TRPC3: variants seen among roughly 807,000 people sequenced by gnomAD.
TRPC3 encodes the protein transient receptor potential cation channel subfamily C member 3.
Under a neutral mutation model 90.9 loss-of-function variants are expected in TRPC3, and 54 were observed. The ratio of observed to expected loss-of-function variants is 0.59; its 90% confidence interval spans 0.48 to 0.75. The LOEUF is 0.75. Ranked by LOEUF, TRPC3 falls within the 30% of genes least tolerant of loss-of-function variation. TRPC3 has a pLI of 0.00. For synonymous variants in TRPC3, 424 were observed against 450.9 expected (o/e 0.94, Z 0.75); for missense variants, 918 against 1,194.5 (o/e 0.77, Z 3.41).
intron 5 of TRPC3, among the ~76,000 whole-genome samples, chr4:121,910,916 G>A (rs893744836): frequency 6.6e-5 from 10 of 152,084 alleles, no homozygotes; most frequent in South Asian, 2.1e-4. Flanking sequence ...GAGCAATATC[G>A]TTTGAAAAAG....
At chr4:121,904,720 C>T (rs1363794524) in intron 7 of TRPC3, among the ~76,000 whole-genome samples, 1 of 152,022 alleles carries the variant, frequency 6.6e-6, no homozygotes, top group Admixed American at 6.6e-5. Context: ...TTAAATGGTG[C>T]CAATGCCTAG....
chr4:121,900,025 G>A (rs1728650216), intron 9 of TRPC3, among the ~76,000 whole-genome samples: 1 of 152,058 alleles, frequency 6.6e-6, no homozygotes, highest in African/African-American at 2.4e-5. Context: ...GCATCTAGAA[G>A]GCCAAATTCC....
At chr4:121,935,018 T>C (rs1730082910) in intron 1 of TRPC3, among the ~76,000 whole-genome samples, 1 of 152,176 alleles carries the variant, frequency 6.6e-6, no homozygotes, top group Non-Finnish European at 1.5e-5. Context: ...TTTGTAGCAA[T>C]TTCTAGAAAT....
intron 11 of TRPC3, among the ~76,000 whole-genome samples, chr4:121,880,742 C>G (rs891988530): frequency 1.3e-5 from 2 of 152,080 alleles, no homozygotes; most frequent in South Asian, 4.1e-4. Context: ...CAAGAATTTA[C>G]CTTGAATCTA....
chr4:121,881,488 A>T (rs1488290452), intron 11 of TRPC3, among the ~76,000 whole-genome samples: 1 of 152,118 alleles, frequency 6.6e-6, no homozygotes, highest in Non-Finnish European at 1.5e-5. Context: ...CAGATTGATT[A>T]GGTCACCATG....
intron 3 of TRPC3, among the ~76,000 whole-genome samples, chr4:121,916,000 A>G (rs1023590020): frequency 2.0e-5 from 3 of 152,212 alleles, no homozygotes; most frequent in Non-Finnish European, 2.9e-5. Flanking sequence ...AGAATAAGCA[A>G]TAACAATGAA....
Position 121,910,673 on chromosome 4 carries a change from G to A in TRPC3, c.1559-286C>T, listed in dbSNP as rs188619132. 1.6e-3 allele frequency among the ~76,000 whole-genome samples: 243 copies of A among 152,214 alleles called. 2 individuals carry two copies. The highest frequency in any genetic ancestry group is 2.7e-3 in the Non-Finnish European group (182 of 67,990). ...ATTCATGAGAGGAGGTGGTGGAGGG[G>A]GGTGAGGAGAAGAAAGAAGGAAAGG... On this transcript the variant is annotated intron_variant, in intron 5 of 11. Coordinates refer to ENST00000379645, the MANE Select transcript of TRPC3 (RefSeq NM_001130698.2).
intron 1 of TRPC3, among the ~76,000 whole-genome samples, chr4:121,941,607 G>A (rs1323996815): frequency 3.6e-5 from 1 of 27,606 alleles, no homozygotes; most frequent in Non-Finnish European, 7.4e-5. Context: ...GAAAGTCAGA[G>A]AAGAAAAGAC....
chr4:121,927,315 T>C (rs1345048900), intron 2 of TRPC3, among the ~76,000 whole-genome samples: 1 of 152,228 alleles, frequency 6.6e-6, no homozygotes, highest in African/African-American at 2.4e-5. Context: ...TCTAGTCCAT[T>C]TGTTCTAATG....
rs76120252 is a variant in TRPC3 at position 121,914,204 on chromosome 4, A to C, written c.1341+576T>G. 4.7e-4 allele frequency among the ~76,000 whole-genome samples: 72 copies of C among 152,354 alleles called. No homozygotes were observed. The South Asian group carries it at 4.8e-3, about 10-fold the overall frequency. On this transcript the variant is annotated intron_variant, in intron 4 of 11. Coordinates refer to ENST00000379645, the MANE Select transcript of TRPC3 (RefSeq NM_001130698.2). ...CAAATAAACAATCTAAAAAAATCTAAAACCCCTGAACCTAAATCCTACATT... is the reference window on the plus strand; with the variant it reads ...CAAATAAACAATCTAAAAAAATCTACAACCCCTGAACCTAAATCCTACATT...
At chr4:121,892,140 T>G (rs992017415) in intron 10 of TRPC3, among the ~76,000 whole-genome samples, 2 of 152,218 alleles carry the variant, frequency 1.3e-5, no homozygotes, top group Non-Finnish European at 2.9e-5. Flanking sequence ...ATTTTCTTCA[T>G]AGTTTAGAGC....
At chr4:121,891,353 AAAGTT>A in intron 10 of TRPC3, among the ~76,000 whole-genome samples, 1 of 152,236 alleles carries the variant, frequency 6.6e-6, no homozygotes, top group Non-Finnish European at 1.5e-5. Context: ...ACCAAAAGAC[AAAGTT>A]AAGCTAAGAA....
chr4:121,936,795 G>A (rs1033109422), intron 1 of TRPC3, among the ~76,000 whole-genome samples: 4 of 152,096 alleles, frequency 2.6e-5, no homozygotes, highest in African/African-American at 9.7e-5. Flanking sequence ...TGCTGGCACC[G>A]ATTTCAGACT....
At chr4:121,899,448 A>G (rs1046189915) in intron 10 of TRPC3, among the ~76,000 whole-genome samples, 164 bp downstream of exon 10, 1 of 147,370 alleles carries the variant, frequency 6.8e-6, no homozygotes, top group African/African-American at 2.4e-5. Flanking sequence ...TTTTTTTTTA[A>G]AAAATTTCAC....
chr4:121,909,806 T>G (rs1379290435), intron 6 of TRPC3, among the ~76,000 whole-genome samples: 2 of 152,138 alleles, frequency 1.3e-5, no homozygotes, highest in African/African-American at 2.4e-5. Context: ...ACCTTCCACA[T>G]CAAGCAGTTT....
chr4:121,929,973 G>C (rs78220905), intron 2 of TRPC3, among the ~76,000 whole-genome samples: 5,269 of 152,136 alleles, frequency 0.035, 304 homozygotes, highest in African/African-American at 0.12. Context: ...GCTTGTCTCA[G>C]AAATGAGCTT....
Position 121,932,508 on chromosome 4 carries a change from G to A in TRPC3, c.750C>T (p.His250=). The A allele has an allele frequency of 6.2e-7, 1 of 1,614,230 alleles. No homozygotes were observed. The highest frequency in any genetic ancestry group is 8.5e-7 in the Non-Finnish European group (1 of 1,180,040). ...TCCTGGCACCCTTCATCAGCAGCATGTGCACCACTTCGTATTTCTGGCAGT... is the reference window on the plus strand; with the variant it reads ...TCCTGGCACCCTTCATCAGCAGCATATGCACCACTTCGTATTTCTGGCAGT... ...AAHCQKYEVV[H]MLLMKGARIE... The change falls in exon 2 of 12, where the codon CAC becomes CAT. Residue 250 remains histidine, a synonymous_variant. Transcript: ENST00000379645. This position sits in a 1 kb window ranked among gnomAD's most constrained non-coding sequence, Gnocchi z 7.7.
chr4:121,879,425 T>C lies in TRPC3; in HGVS notation c.*311A>G, dbSNP rs1441799690. The C allele has an allele frequency of 3.6e-6, 1 of 274,390 alleles. No individual in the cohort carries two copies. The highest frequency in any genetic ancestry group is 6.8e-6 in the Non-Finnish European group (1 of 146,656). The allele number at this position is 274,390 out of a possible 1,614,324, so 17.0% of individuals were successfully genotyped here. On this transcript the variant is annotated 3_prime_UTR_variant, in exon 12 of 12. Transcript: ENST00000379645. The stretch of plus-strand genomic sequence containing the variant: ...GACATGGTCCCTGTCCCCAAGGAAC[T>C]GATAGTCTCTTGGAGGCAAACAGGT...
intron 3 of TRPC3, among the ~76,000 whole-genome samples, chr4:121,921,730 G>A (rs1729519528): frequency 6.6e-6 from 1 of 151,942 alleles, no homozygotes; most frequent in Admixed American, 6.6e-5. Context: ...GACTACCTCT[G>A]TGCCAGAGTG....
Sources: gnomAD v4.1 joint callset for allele counts (sites outside exome capture counted in the v4.1 genomes callset) on GRCh38, gnomAD v4.1.1 for gene constraint, Gnocchi (gnomAD v3.1) non-coding constraint, MANE v1.5 for transcripts, NCBI Gene and HGNC (gene_info 2026-07-23, HGNC 2026-07-21) for gene names.